Variants in RGS6 observed in about 807,000 individuals in gnomAD.
RGS6 encodes the protein regulator of G protein signaling 6, also known as regulator of G-protein signaling 6.
A neutral mutation model predicts 78.5 loss-of-function variants in RGS6; 30 were observed. That is an observed-to-expected ratio of 0.38 (90% CI 0.29 to 0.52). The LOEUF is 0.52. Among genes scored for constraint, RGS6 ranks in the 20% least tolerant of loss-of-function variants. RGS6 has a pLI of 0.85. For synonymous variants in RGS6, 206 were observed against 206.0 expected (o/e 1.00, Z 0.00); for missense variants, 495 against 609.7 (o/e 0.81, Z 1.98).
intron 2 of RGS6, among the ~76,000 whole-genome samples, chr14:72,273,282 T>C (rs565035600): frequency 2.0e-5 from 3 of 152,216 alleles, no homozygotes; most frequent in South Asian, 2.1e-4. Context: ...AAAGAACTTA[T>C]ATGTATGTGG....
downstream of RGS6, among the ~76,000 whole-genome samples, chr14:72,569,996 G>T (rs749769003): frequency 1.1e-4 from 16 of 152,270 alleles, no homozygotes; most frequent in Non-Finnish European, 1.9e-4. Flanking sequence ...GTTTGAGAAA[G>T]CATATGATCA....
At chr14:72,107,297 G>A (rs186680043) in intron 2 of RGS6, among the ~76,000 whole-genome samples, 93 of 152,104 alleles carry the variant, frequency 6.1e-4, no homozygotes, top group Admixed American at 1.6e-3. Flanking sequence ...TAATCAAACC[G>A]TAGCAAATCA....
chr14:72,289,741 AC>A, intron 2 of RGS6, among the ~76,000 whole-genome samples: 1 of 152,184 alleles, frequency 6.6e-6, no homozygotes, highest in Non-Finnish European at 1.5e-5. Flanking sequence ...CTCTCTTCCC[AC>A]AGAAGATAGA....
intron 13 of RGS6, among the ~76,000 whole-genome samples, chr14:72,496,898 G>T (rs1310603344): frequency 2.0e-5 from 3 of 151,922 alleles, no homozygotes; most frequent in Non-Finnish European, 4.4e-5. Context: ...ATAGGTCGTG[G>T]CAGTCTTTCC....
At chr14:72,349,411 C>T (rs1047248408) in intron 2 of RGS6, among the ~76,000 whole-genome samples, 1 of 151,988 alleles carries the variant, frequency 6.6e-6, no homozygotes, top group Non-Finnish European at 1.5e-5. Flanking sequence ...TCAATAACAC[C>T]CCAGTAGCCA....
intron 2 of RGS6, among the ~76,000 whole-genome samples, chr14:72,321,547 G>A (rs896104976): frequency 1.3e-5 from 2 of 151,866 alleles, no homozygotes; most frequent in Admixed American, 1.3e-4. Context: ...GGAAAGTAGA[G>A]GCCAATAATC....
rs190380801 is a variant in RGS6, at chr14:71,982,135, C to A, written c.84+17260C>A. 7.2e-4 allele frequency among the ~76,000 whole-genome samples: 110 copies of A among 152,348 alleles called. 1 individual carries two copies. In the South Asian group the frequency reaches 7.7e-3, roughly 11 times the overall value. ...TTCCCGAGTGAGGCAACGCCTCGCC[C>A]TGCTTCGGCTGGCGCATGGTGCGTG... is the stretch of plus-strand genomic sequence containing the variant. On this transcript the variant is annotated intron_variant, in intron 2 of 17. Transcript: ENST00000553525.
At chr14:72,098,348 TC>T in intron 2 of RGS6, among the ~76,000 whole-genome samples, 1 of 152,328 alleles carries the variant, frequency 6.6e-6, no homozygotes, top group Middle Eastern at 3.4e-3. Flanking sequence ...TTTTTCTCTG[TC>T]CCCTGAAAGG....
intron 2 of RGS6, among the ~76,000 whole-genome samples, chr14:72,170,698 A>G (rs899222373): frequency 3.9e-5 from 6 of 152,256 alleles, no homozygotes; most frequent in Non-Finnish European, 7.3e-5. Flanking sequence ...ACAATTATTT[A>G]CATATTTACC....
chr14:71,887,888 G>T, the RGS6 span, among the ~76,000 whole-genome samples: 1 of 152,054 alleles, frequency 6.6e-6, no homozygotes, highest in East Asian at 1.9e-4. Flanking sequence ...TCTGCTTTTT[G>T]CCCTTTGAAA....
intron 2 of RGS6, among the ~76,000 whole-genome samples, chr14:72,062,980 C>T (rs984079800): frequency 3.3e-5 from 5 of 152,158 alleles, no homozygotes; most frequent in South Asian, 2.1e-4. Flanking sequence ...TGCACCACCA[C>T]GCCCAGGTAA....
chr14:72,056,074 C>G (rs979430488), intron 2 of RGS6, among the ~76,000 whole-genome samples: 8 of 152,138 alleles, frequency 5.3e-5, no homozygotes, highest in African/African-American at 1.7e-4. Flanking sequence ...CGTGAGCCCC[C>G]GGGAATCTGT....
At chr14:72,078,876 A>G (rs1365951946) in intron 2 of RGS6, among the ~76,000 whole-genome samples, 1 of 151,972 alleles carries the variant, frequency 6.6e-6, no homozygotes, top group Non-Finnish European at 1.5e-5. Flanking sequence ...ATCTTCCCTT[A>G]TATTTATTAT....
the RGS6 span, among the ~76,000 whole-genome samples, chr14:71,911,487 C>T: frequency 6.6e-6 from 1 of 152,150 alleles, no homozygotes; most frequent in African/African-American, 2.4e-5. Flanking sequence ...ACACAGGCAC[C>T]TCATCCTTGC....
chr14:72,315,710 C>T (rs1173062665), intron 2 of RGS6, among the ~76,000 whole-genome samples: 2 of 152,192 alleles, frequency 1.3e-5, no homozygotes, highest in Non-Finnish European at 1.5e-5. Context: ...ATTACATTCT[C>T]GCCCAGCCCT....
intron 2 of RGS6, among the ~76,000 whole-genome samples, chr14:72,326,150 C>G (rs1447673191): frequency 6.6e-6 from 1 of 152,114 alleles, no homozygotes; most frequent in Non-Finnish European, 1.5e-5. Flanking sequence ...AGATTACAAA[C>G]CACCAAATGC....
intron 2 of RGS6, among the ~76,000 whole-genome samples, chr14:72,253,775 C>T (rs1337658640): frequency 6.6e-6 from 1 of 152,180 alleles, no homozygotes; most frequent in East Asian, 1.9e-4. Flanking sequence ...GAGAGCTGAG[C>T]ATCGGCCAAC....
chr14:72,356,607 A>G (rs553272789), intron 3 of RGS6, among the ~76,000 whole-genome samples: 3 of 152,254 alleles, frequency 2.0e-5, no homozygotes, highest in African/African-American at 7.2e-5. Context: ...CTTGAATTGT[A>G]TAATAGTTCC....
chr14:72,298,939 T>A (rs181372269), intron 2 of RGS6, among the ~76,000 whole-genome samples: 12 of 152,336 alleles, frequency 7.9e-5, no homozygotes, highest in African/African-American at 2.9e-4. Context: ...TTTGTATTTA[T>A]GAGTGAAATT....
Sources: gnomAD v4.1 joint callset for allele counts (sites outside exome capture counted in the v4.1 genomes callset) on GRCh38, gnomAD v4.1.1 for gene constraint, MANE v1.5 for transcripts, NCBI Gene and HGNC (gene_info 2026-07-23, HGNC 2026-07-21) for gene names.